LRRC26: variants seen among roughly 807,000 people sequenced by gnomAD.
LRRC26 encodes leucine rich repeat containing 26.
Under a neutral mutation model 15.3 loss-of-function variants are expected in LRRC26, and 17 were observed. That is an observed-to-expected ratio of 1.11 (90% CI 0.76 to 1.66). The LOEUF (loss-of-function observed/expected upper bound fraction) is 1.66. LRRC26 is among the 40% of genes most tolerant of loss of function. The pLI is 0.00. For missense variants in LRRC26, 573 were observed against 501.0 expected (o/e 1.14, Z -1.37); for synonymous variants, 301 against 272.1 (o/e 1.11, Z -1.05).
Position 137,169,834 on chromosome 9 carries a change from G to A in LRRC26, c.110C>T (p.Ser37Phe), listed in dbSNP as rs1834055394. The A allele has an allele frequency of 6.9e-6, 10 of 1,450,108 alleles. No individual in the cohort carries two copies. Among genetic ancestry groups the A allele is most frequent in the Non-Finnish European group, 7.2e-6 (8 of 1,113,136 alleles). The allele number at this position is 1,450,108 out of a possible 1,614,324, so 89.8% of individuals were successfully genotyped here. A position where few individuals can be genotyped will look rare whatever the true frequency, so the allele number is the denominator to read the frequency against. Residue 37 changes from serine (S) to phenylalanine (F), a missense_variant, in exon 1 of 2, where the codon TCC becomes TTC. Ser to Phe is a radical substitution (Grantham distance 155, BLOSUM62 -2). Transcript: ENST00000371542. ...QVSATASPSG[S>F]LGAPDCPEVC... Reference sequence around the variant, plus strand: ...CTCGGGGCAGTCCGGGGCGCCCAGGGACCCCGAGGGCGAGGCCGTGGCCGA... The same window carrying A: ...CTCGGGGCAGTCCGGGGCGCCCAGGAACCCCGAGGGCGAGGCCGTGGCCGA...
chr9:137,169,285 G>C lies in LRRC26; in HGVS notation c.659C>G (p.Pro220Arg). The C allele has an allele frequency of 7.2e-7, 1 of 1,382,782 alleles. No homozygotes were observed. Among genetic ancestry groups the C allele is most frequent in the Non-Finnish European group, 9.3e-7 (1 of 1,076,112 alleles). The allele number at this position is 1,382,782 out of a possible 1,614,324, so 85.7% of individuals were successfully genotyped here. A position where few individuals can be genotyped will look rare whatever the true frequency, so the allele number is the denominator to read the frequency against. ...CAGCAGCTCACCTGACGCGGGCAGCGGGTGCCGGCGCAGCCAGGCGCAGAG... is the reference window on the plus strand; with the variant it reads ...CAGCAGCTCACCTGACGCGGGCAGCCGGTGCCGGCGCAGCCAGGCGCAGAG... Reference protein sequence around the residue: ...RPLCAWLRRHPLPASEAETVL... With the variant: ...RPLCAWLRRHRLPASEAETVL... The change falls in exon 1 of 2, where the codon CCG (proline) becomes CGG (arginine). Residue 220 changes from proline (P) to arginine (R), a missense_variant. Transcript: ENST00000371542.
At position 137,169,800 on chromosome 9, in the gene LRRC26, C is replaced by T; in HGVS notation, c.144G>A (p.Thr48=). The T allele has an allele frequency of 1.4e-6, 2 of 1,406,038 alleles. No homozygotes were observed. The highest frequency in any genetic ancestry group is 1.8e-6 in the Non-Finnish European group (2 of 1,092,884). 87.1% of individuals were successfully genotyped at this position (1,406,038 alleles called of 1,614,324 possible). ...AGCTGGCCAGGCCTCCCGGCACGCA[C>T]GTGCACACCTCGGGGCAGTCCGGGG... ...LGAPDCPEVC[T]CVPGGLASCS... The change falls in exon 1 of 2, where the codon ACG becomes ACA. Residue 48 remains threonine, a synonymous_variant. Coordinates refer to ENST00000371542, the MANE Select transcript of LRRC26 (RefSeq NM_001013653.3).
In LRRC26 at chr9:137,169,299, C is replaced by A; in HGVS notation, c.645G>T (p.Trp215Cys). 7.1e-7 allele frequency: 1 copy of A among 1,407,994 alleles called. No individual in the cohort carries two copies. Among genetic ancestry groups the A allele is most frequent in the Non-Finnish European group, 9.2e-7 (1 of 1,088,600 alleles). The allele number at this position is 1,407,994 out of a possible 1,614,324, so 87.2% of individuals were successfully genotyped here. The change falls in exon 1 of 2, where the codon TGG becomes TGT. Residue 215 changes from tryptophan to cysteine, a missense_variant. Physicochemically the swap from Trp to Cys is radical, Grantham distance 215. Coordinates refer to ENST00000371542, the MANE Select transcript of LRRC26 (RefSeq NM_001013653.3). ...ACGCGGGCAGCGGGTGCCGGCGCAG[C>A]CAGGCGCAGAGCGGGCGCAGCGCGC... ...CGCALRPLCA[W>C]LRRHPLPASE...
At position 137,169,582 on chromosome 9, in the gene LRRC26, A is replaced by AGC; in HGVS notation, c.360_361dup (p.Leu121ArgfsTer7). ...GTTGGCGCTCAGGTCCAGCAGCTGC[A>AGC]GCGCGCCCAGGCCCCAGAAGGCTCG... On this transcript the variant is annotated frameshift_variant, in exon 1 of 2. Coordinates refer to ENST00000371542, the MANE Select transcript of LRRC26 (RefSeq NM_001013653.3). LOFTEE classifies it high-confidence loss of function. 6.6e-7 allele frequency: 1 copy of AGC among 1,522,960 alleles called. No homozygotes were observed. The highest frequency in any genetic ancestry group is 8.8e-7 in the Non-Finnish European group (1 of 1,141,354). The allele number at this position is 1,522,960 out of a possible 1,614,324, so 94.3% of individuals were successfully genotyped here. A position where few individuals can be genotyped will look rare whatever the true frequency, so the allele number is the denominator to read the frequency against.
chr9:137,169,973 C>G lies in LRRC26; in HGVS notation c.-30G>C. On this transcript the variant is annotated 5_prime_UTR_variant, in exon 1 of 2. Transcript: ENST00000371542. The stretch of plus-strand genomic sequence containing the variant: ...GCAGCCCCCCCGCCCCCGGCACCCG[C>G]GGTGGGAGGCCCGCTGCCTGTGCGT... 1 of 1,391,408 alleles carries G rather than the reference C, an allele frequency of 7.2e-7. No homozygotes were observed. The allele number at this position is 1,391,408 out of a possible 1,614,324, so 86.2% of individuals were successfully genotyped here.
rs531644562 is a variant in LRRC26 at position 137,168,937 on chromosome 9, G to T, written c.922C>A (p.Pro308Thr). 1.0e-4 allele frequency: 143 copies of T among 1,385,990 alleles called. No individual in the cohort carries two copies. In the African/African-American group the frequency reaches 1.6e-3, roughly 16 times the overall value. The allele number at this position is 1,385,990 out of a possible 1,614,324, so 85.9% of individuals were successfully genotyped here. The change falls in exon 2 of 2, where the codon CCA (proline) becomes ACA (threonine). Residue 308 changes from proline (P) to threonine (T), a missense_variant. Physicochemically the swap from Pro to Thr is conservative, Grantham distance 38. Transcript: ENST00000371542. Reference protein sequence around the residue: ...RTAALRPPRPPDPNPDPDPHG... With the variant: ...RTAALRPPRPTDPNPDPDPHG... The stretch of plus-strand genomic sequence containing the variant: ...GGGTCGGGATCGGGGTTCGGGTCTG[G>T]CGGTCTCGGCGGGCGGAGGGCGGCG...
In LRRC26 at chr9:137,168,803, G is replaced by A; in HGVS notation, c.*51C>T. ...TTGACGCCGGCAGACAGTGTAAAGG[G>A]AGGGCAAAGGCATGGGGGAAGCTTC... On this transcript the variant is annotated 3_prime_UTR_variant, in exon 2 of 2. Coordinates refer to ENST00000371542, the MANE Select transcript of LRRC26 (RefSeq NM_001013653.3). The A allele has an allele frequency of 8.4e-7, 1 of 1,195,038 alleles. No homozygotes were observed. Among genetic ancestry groups the A allele is most frequent in the Non-Finnish European group, 1.0e-6 (1 of 957,830 alleles). The allele number at this position is 1,195,038 out of a possible 1,614,324, so 74.0% of individuals were successfully genotyped here.
In LRRC26 at chr9:137,169,886, A is replaced by ACAG. The variant is rs1210769788; in HGVS notation, c.55_57dup (p.Leu19dup). On this transcript the variant is annotated inframe_insertion, in exon 1 of 2. Transcript: ENST00000371542. Reference sequence around the variant, plus strand: ...ACCTGGGCCCAGACAGGCCAAGGCGACAGCAGCAGCAACAGCAGCAGCAGC... The same window carrying ACAG: ...ACCTGGGCCCAGACAGGCCAAGGCGACAGCAGCAGCAGCAACAGCAGCAGCAGC... 2 of 1,481,660 alleles carry ACAG rather than the reference A, an allele frequency of 1.3e-6. No individual in the cohort carries two copies. Among genetic ancestry groups the ACAG allele is most frequent in the Admixed American group, 4.7e-5 (2 of 42,354 alleles). The allele number at this position is 1,481,660 out of a possible 1,614,324, so 91.8% of individuals were successfully genotyped here. A position where few individuals can be genotyped will look rare whatever the true frequency, so the allele number is the denominator to read the frequency against.
chr9:137,169,141 T>G lies in LRRC26; in HGVS notation c.718A>C (p.Ser240Arg). ...GCGTCGGAAAAGGCAGTCAGGGGGC[T>G]GAGCGTCAGGCGTCCCGGCCACACG... Reference protein sequence around the residue: ...LCVWPGRLTLSPLTAFSDAAF... With the variant: ...LCVWPGRLTLRPLTAFSDAAF... Residue 240 changes from serine to arginine, a missense_variant, in exon 2 of 2, where the codon AGC becomes CGC. By Grantham distance (110) the Ser-to-Arg change is moderately radical. Transcript: ENST00000371542. 6.5e-7 allele frequency: 1 copy of G among 1,546,474 alleles called. No individual in the cohort carries two copies. Among genetic ancestry groups the G allele is most frequent in the Non-Finnish European group, 8.7e-7 (1 of 1,153,300 alleles).
rs1450937225 is a variant in LRRC26, at chr9:137,169,491, G to A, written c.453C>T (p.Ala151=). 2 of 1,521,704 alleles carry A rather than the reference G, an allele frequency of 1.3e-6. No homozygotes were observed. The highest frequency in any genetic ancestry group is 1.8e-6 in the Non-Finnish European group (2 of 1,141,692). The allele number at this position is 1,521,704 out of a possible 1,614,324, so 94.3% of individuals were successfully genotyped here. ...PLRALRNLSL[A]GNRLARLEPA... ...GCTCCAGGCGCGCCAGCCGGTTGCC[G>A]GCCAATGAGAGGTTGCGCAGCGCGC... Residue 151 remains alanine, a synonymous_variant, in exon 1 of 2, where the codon GCC becomes GCT. Coordinates refer to ENST00000371542, the MANE Select transcript of LRRC26 (RefSeq NM_001013653.3).
In LRRC26 at chr9:137,169,885, G is replaced by A; in HGVS notation, c.59C>T (p.Ser20Leu). Residue 20 changes from serine to leucine, a missense_variant, in exon 1 of 2, where the codon TCG becomes TTG. Coordinates refer to ENST00000371542, the MANE Select transcript of LRRC26 (RefSeq NM_001013653.3). Reference sequence around the variant, plus strand: ...CACCTGGGCCCAGACAGGCCAAGGCGACAGCAGCAGCAACAGCAGCAGCAG... The same window carrying A: ...CACCTGGGCCCAGACAGGCCAAGGCAACAGCAGCAGCAACAGCAGCAGCAG... ...RPLLLLLLLL[S>L]PWPVWAQVSA... is the part of the protein sequence containing the mutation. The A allele has an allele frequency of 6.7e-7, 1 of 1,481,496 alleles. No homozygotes were observed. 91.8% of individuals were successfully genotyped at this position (1,481,496 alleles called of 1,614,324 possible).
In LRRC26 at chr9:137,169,748, G is replaced by A. The variant is rs1192980552; in HGVS notation, c.196C>T (p.Pro66Ser). The A allele has an allele frequency of 2.8e-6, 4 of 1,406,916 alleles. No individual in the cohort carries two copies. The highest frequency in any genetic ancestry group is 1.5e-5 in the African/African-American group (1 of 66,062). 87.2% of individuals were successfully genotyped at this position (1,406,916 alleles called of 1,614,324 possible). A position where few individuals can be genotyped will look rare whatever the true frequency, so the allele number is the denominator to read the frequency against. The change falls in exon 1 of 2, where the codon CCC becomes TCC. Residue 66 changes from proline (P) to serine (S), a missense_variant. Pro to Ser is a moderately conservative substitution (Grantham distance 74). Coordinates refer to ENST00000371542, the MANE Select transcript of LRRC26 (RefSeq NM_001013653.3). ...SCSALSLPAVPPGLSLRLRAL... is the reference protein window; with the variant it reads ...SCSALSLPAVSPGLSLRLRAL... ...CGCAGGCGCAGGCTCAGGCCCGGGG[G>A]CACGGCGGGCAGCGAGAGTGCCGAG... is the stretch of plus-strand genomic sequence containing the variant.
Position 137,170,034 on chromosome 9 carries a change from G to A in LRRC26, c.-91C>T. 7.6e-7 allele frequency: 1 copy of A among 1,323,062 alleles called. No individual in the cohort carries two copies. Among genetic ancestry groups the A allele is most frequent in the Non-Finnish European group, 9.7e-7 (1 of 1,033,128 alleles). The allele number at this position is 1,323,062 out of a possible 1,614,324, so 82.0% of individuals were successfully genotyped here. On this transcript the variant is annotated 5_prime_UTR_variant, in exon 1 of 2. Coordinates refer to ENST00000371542, the MANE Select transcript of LRRC26 (RefSeq NM_001013653.3). Reference sequence around the variant, plus strand: ...CGTCGTCCGCGGAGCCCGTTCCTGCGGCGCCTGCACAAATATTAACTCTCT... The same window carrying A: ...CGTCGTCCGCGGAGCCCGTTCCTGCAGCGCCTGCACAAATATTAACTCTCT...
rs1834033566 is a variant in LRRC26 at position 137,169,339 on chromosome 9, G to A, written c.605C>T (p.Pro202Leu). The part of the protein sequence containing the change: ...ALDALHLRGN[P>L]WGCGCALRPL... Reference sequence around the variant, plus strand: ...GCGCAGCGCGCACCCGCAGCCCCAAGGGTTGCCGCGCAGGTGCAGCGCGTC... The same window carrying A: ...GCGCAGCGCGCACCCGCAGCCCCAAAGGTTGCCGCGCAGGTGCAGCGCGTC... The change falls in exon 1 of 2, where the codon CCT becomes CTT. Residue 202 changes from proline (P) to leucine (L), a missense_variant. Transcript: ENST00000371542. 12 of 1,459,000 alleles carry A rather than the reference G, an allele frequency of 8.2e-6. No homozygotes were observed. The highest frequency in any genetic ancestry group is 1.5e-5 in the African/African-American group (1 of 67,180). 90.4% of individuals were successfully genotyped at this position (1,459,000 alleles called of 1,614,324 possible). A position where few individuals can be genotyped will look rare whatever the true frequency, so the allele number is the denominator to read the frequency against.
In LRRC26 at chr9:137,169,284, C is replaced by A; in HGVS notation, c.660G>T (p.Pro220=). 2.2e-6 allele frequency: 3 copies of A among 1,380,534 alleles called. No individual in the cohort carries two copies. Among genetic ancestry groups the A allele is most frequent in the Admixed American group, 3.8e-5 (1 of 26,580 alleles). The allele number at this position is 1,380,534 out of a possible 1,614,324, so 85.5% of individuals were successfully genotyped here. Reference sequence around the variant, plus strand: ...CCAGCAGCTCACCTGACGCGGGCAGCGGGTGCCGGCGCAGCCAGGCGCAGA... The same window carrying A: ...CCAGCAGCTCACCTGACGCGGGCAGAGGGTGCCGGCGCAGCCAGGCGCAGA... ...RPLCAWLRRH[P]LPASEAETVL... The change falls in exon 1 of 2, where the codon CCG becomes CCT. Residue 220 remains proline, a synonymous_variant. Coordinates refer to ENST00000371542, the MANE Select transcript of LRRC26 (RefSeq NM_001013653.3).
In LRRC26 at chr9:137,168,838, A is replaced by G. The variant is rs1235065467; in HGVS notation, c.*16T>C. The G allele has an allele frequency of 1.6e-6, 2 of 1,232,236 alleles. No homozygotes were observed. Among genetic ancestry groups the G allele is most frequent in the African/African-American group, 1.6e-5 (1 of 63,908 alleles). The allele number at this position is 1,232,236 out of a possible 1,614,324, so 76.3% of individuals were successfully genotyped here. A position where few individuals can be genotyped will look rare whatever the true frequency, so the allele number is the denominator to read the frequency against. ...GCATGGGGGAAGCTTCGAGCGCTCC[A>G]GGCGGCCGCGGCCGCTCAGGCTTGG... is the stretch of plus-strand genomic sequence containing the variant. On this transcript the variant is annotated 3_prime_UTR_variant, in exon 2 of 2. Transcript: ENST00000371542.
rs1834022968 is a variant in LRRC26, at chr9:137,169,057, G to A, written c.802C>T (p.Leu268Phe). ...CTGACGAGGAAGGAGGCCGGCCCGA[G>A]CGTGTAAACCACGGCCAGGTCCCGC... The part of the protein sequence containing the change: ...ALRDLAVVYT[L>F]GPASFLVSLA... Residue 268 changes from leucine (L) to phenylalanine (F), a missense_variant, in exon 2 of 2, where the codon CTC becomes TTC. By Grantham distance (22) the Leu-to-Phe change is conservative. Coordinates refer to ENST00000371542, the MANE Select transcript of LRRC26 (RefSeq NM_001013653.3). 6.4e-7 allele frequency: 1 copy of A among 1,552,340 alleles called. No individual in the cohort carries two copies. The highest frequency in any genetic ancestry group is 8.6e-7 in the Non-Finnish European group (1 of 1,156,404).
In LRRC26 at chr9:137,169,539, T is replaced by G. The variant is rs1472578316; in HGVS notation, c.405A>C (p.Ala135=). The G allele has an allele frequency of 2.0e-6, 3 of 1,524,530 alleles. No homozygotes were observed. In the South Asian group the frequency reaches 3.6e-5, roughly 18 times the overall value. The allele number at this position is 1,524,530 out of a possible 1,614,324, so 94.4% of individuals were successfully genotyped here. Residue 135 remains alanine (A), a synonymous_variant, in exon 1 of 2, where the codon GCA becomes GCC. Coordinates refer to ENST00000371542, the MANE Select transcript of LRRC26 (RefSeq NM_001013653.3). The part of the protein sequence containing the change: ...DLSANQLEAL[A]PGTFAPLRAL... ...CGCGCAGCGGCGCGAAAGTCCCTGGTGCCAGTGCTTCCAGCTGGTTGGCGC... is the reference window on the plus strand; with the variant it reads ...CGCGCAGCGGCGCGAAAGTCCCTGGGGCCAGTGCTTCCAGCTGGTTGGCGC...
At position 137,169,735 on chromosome 9, in the gene LRRC26, C is replaced by T. The variant is rs1227969934; in HGVS notation, c.209G>A (p.Ser70Asn). 4.2e-6 allele frequency: 6 copies of T among 1,440,758 alleles called. No homozygotes were observed. In the South Asian group the frequency reaches 4.3e-5, roughly 10 times the overall value. The allele number at this position is 1,440,758 out of a possible 1,614,324, so 89.2% of individuals were successfully genotyped here. A position where few individuals can be genotyped will look rare whatever the true frequency, so the allele number is the denominator to read the frequency against. Residue 70 changes from serine (S) to asparagine (N), a missense_variant, in exon 1 of 2, where the codon AGC (serine) becomes AAC (asparagine). Ser to Asn is a conservative substitution (Grantham distance 46). Transcript: ENST00000371542. ...CAGCAGCAGCGCGCGCAGGCGCAGG[C>T]TCAGGCCCGGGGGCACGGCGGGCAG... is the stretch of plus-strand genomic sequence containing the variant. ...LSLPAVPPGL[S>N]LRLRALLLDH... is the part of the protein sequence containing the mutation.
Sources: gnomAD v4.1 joint callset for allele counts on GRCh38, gnomAD v4.1.1 for gene constraint, MANE v1.5 for transcripts, NCBI Gene and HGNC (gene_info 2026-07-23, HGNC 2026-07-21) for gene names.